The following EPHA8 variants were observed in gnomAD, a reference collection of about 807,000 sequenced individuals.
The protein encoded by EPHA8 is EPH receptor A8, also known as ephrin type-A receptor 8.
Under a neutral mutation model 103.6 loss-of-function variants are expected in EPHA8, and 58 were observed. The observed-to-expected ratio is 0.56, with a 90% CI of 0.45 to 0.70. The LOEUF is 0.70. Among genes scored for constraint, EPHA8 ranks in the 30% least tolerant of loss-of-function variants. The probability of loss-of-function intolerance (pLI) is 0.00; values close to 1 mark genes in which losing one functional copy is unlikely to be tolerated. For synonymous variants in EPHA8, 559 were observed against 572.5 expected, an observed-to-expected ratio of 0.98 and a Z score of 0.34; for missense variants, 1,304 against 1,395.2, an observed-to-expected ratio of 0.93 and a Z score of 1.04.
At chr1:22,592,740 G>A (rs1031821935) in intron 5 of EPHA8, among the ~76,000 whole-genome samples, 6 of 152,002 alleles carry the variant, frequency 3.9e-5, no homozygotes, top group Admixed American at 6.6e-5. Context: ...TGGCTGTGGC[G>A]TGGCTGTGTC....
rs1443101707 is a variant in EPHA8 at position 22,580,140 on chromosome 1, T to C, written c.823+3260T>C. ...TTCTTTCTTTCTCTTTTTTTTTTTT[T>C]TTTTTTTTTTTTTTGGAGACGGAGT... On this transcript the variant is annotated intron_variant, in intron 3 of 16. Coordinates refer to ENST00000166244, the MANE Select transcript of EPHA8 (RefSeq NM_020526.5). Among the ~76,000 whole-genome samples the C allele has an allele frequency of 3.5e-5, 5 of 141,624 alleles. No individual in the cohort carries two copies. The South Asian group carries it at 1.1e-3, about 32-fold the overall frequency. The allele number at this position is 141,624 out of a possible 152,430, so 92.9% of individuals were successfully genotyped here.
At chr1:22,565,427 G>A (rs952169777) in intron 1 of EPHA8, among the ~76,000 whole-genome samples, 3 of 152,264 alleles carry the variant, frequency 2.0e-5, no homozygotes, top group African/African-American at 7.2e-5. Context: ...AGGAAAGGGG[G>A]CAAGATTGGA....
chr1:22,580,793 AC>A (rs1459366515), intron 3 of EPHA8, among the ~76,000 whole-genome samples: 1 of 152,234 alleles, frequency 6.6e-6, no homozygotes, highest in Non-Finnish European at 1.5e-5. Context: ...AGGTAGTGTT[AC>A]CTGCTTAGGC....
At chr1:22,579,695 C>T (rs1024579662) in intron 3 of EPHA8, among the ~76,000 whole-genome samples, 1 of 152,168 alleles carries the variant, frequency 6.6e-6, no homozygotes, top group South Asian at 2.1e-4. Flanking sequence ...ACAGTGAAGC[C>T]TGGCTGTTGA....
At chr1:22,592,994 C>G (rs182614141) in intron 5 of EPHA8, among the ~76,000 whole-genome samples, 1 of 152,288 alleles carries the variant, frequency 6.6e-6, no homozygotes, top group Non-Finnish European at 1.5e-5. Context: ...ACTTCTTTCT[C>G]CTGACCTTTC....
chr1:22,593,638 G>C lies in EPHA8; in HGVS notation c.1555G>C (p.Gly519Arg). 1 of 1,607,318 alleles carries C rather than the reference G, an allele frequency of 6.2e-7. No homozygotes were observed. Among genetic ancestry groups the C allele is most frequent in the Non-Finnish European group, 8.5e-7 (1 of 1,177,358 alleles). ...VFQVRARTSA[G>R]CGRFSQAMEV... ...CCAGGTCCGAGCCCGCACCTCAGCA[G>C]GCTGTGGCCGCTTCAGCCAGGCCAT... is the stretch of plus-strand genomic sequence containing the variant. The change falls in exon 7 of 17, where the codon GGC (glycine) becomes CGC (arginine). Residue 519 changes from glycine (G) to arginine (R), a missense_variant. Gly to Arg is a moderately radical substitution (Grantham distance 125). Coordinates refer to ENST00000166244, the MANE Select transcript of EPHA8 (RefSeq NM_020526.5).
At position 22,570,764 on chromosome 1, in the gene EPHA8, A is replaced by G. The variant is rs114564726; in HGVS notation, c.159+1411A>G. On this transcript the variant is annotated intron_variant, in intron 2 of 16. Transcript: ENST00000166244. Reference sequence around the variant, plus strand: ...TCTCCAGGTCCCTGAGCCTGGAGGAAGCCCTCGTCACCTGACCCAGCACCA... The same window carrying G: ...TCTCCAGGTCCCTGAGCCTGGAGGAGGCCCTCGTCACCTGACCCAGCACCA... 1.3e-3 allele frequency among the ~76,000 whole-genome samples: 192 copies of G among 152,344 alleles called. 1 individual carries two copies. The highest frequency in any genetic ancestry group is 4.6e-3 in the African/African-American group (191 of 41,580).
chr1:22,564,332 C>G (rs948130086), intron 1 of EPHA8, among the ~76,000 whole-genome samples: 10 of 150,674 alleles, frequency 6.6e-5, no homozygotes, highest in African/African-American at 2.2e-4. Context: ...GGCCCGAGGG[C>G]CACAGTCTGG....
At chr1:22,579,121 G>T (rs1430783156) in intron 3 of EPHA8, among the ~76,000 whole-genome samples, 5 of 125,002 alleles carry the variant, frequency 4.0e-5, no homozygotes, top group Non-Finnish European at 9.2e-5. Flanking sequence ...ATGTGTACGT[G>T]TATGTGTGCA....
rs1640476944 is a variant in EPHA8, at chr1:22,569,890, C to T, written c.159+537C>T. 1.3e-5 allele frequency among the ~76,000 whole-genome samples: 2 copies of T among 152,212 alleles called. No homozygotes were observed. The highest frequency in any genetic ancestry group is 2.9e-5 in the Non-Finnish European group (2 of 68,042). ...CAGTGAGCAGGCTGCACTGCCCCGT[C>T]CCTCTGCTTCTCTTCTCTGAATCCT... is the stretch of plus-strand genomic sequence containing the variant. On this transcript the variant is annotated intron_variant, in intron 2 of 16. Coordinates refer to ENST00000166244, the MANE Select transcript of EPHA8 (RefSeq NM_020526.5). The surrounding 1 kb of genome is among the most constrained non-coding windows in gnomAD (Gnocchi z 4.5).
At chr1:22,595,614 C>CA (rs1641496249) in intron 8 of EPHA8, among the ~76,000 whole-genome samples, 1 of 152,206 alleles carries the variant, frequency 6.6e-6, no homozygotes. Context: ...CCCATACTCT[C>CA]AGTTACTTTG....
Position 22,600,821 on chromosome 1 carries a change from A to T in EPHA8, c.2538+11A>T, listed in dbSNP as rs209702. Reference sequence around the variant, plus strand: ...ATGACCAACCGGGATGTGAGTGCCAAGCCCTGGCAGGTCCGCGGGCGGTGG... The same window carrying T: ...ATGACCAACCGGGATGTGAGTGCCATGCCCTGGCAGGTCCGCGGGCGGTGG... On this transcript the variant is annotated intron_variant, in intron 14 of 16. Transcript: ENST00000166244. 7.6e-5 allele frequency: 122 copies of T among 1,599,292 alleles called. No homozygotes were observed. The Middle Eastern group carries it at 8.3e-4, about 11-fold the overall frequency.
At chr1:22,587,769 T>C (rs1438278309) in intron 4 of EPHA8, among the ~76,000 whole-genome samples, 1 of 152,078 alleles carries the variant, frequency 6.6e-6, no homozygotes, top group African/African-American at 2.4e-5. Flanking sequence ...AGCCCCAGCC[T>C]CCCTGCACAT....
Position 22,563,950 on chromosome 1 carries a change from G to C in EPHA8, c.94+221G>C, listed in dbSNP as rs1640276582. Among the ~76,000 whole-genome samples the C allele has an allele frequency of 6.6e-6, 1 of 152,046 alleles. No individual in the cohort carries two copies. The highest frequency in any genetic ancestry group is 1.5e-5 in the Non-Finnish European group (1 of 67,972). ...CTTGAGGAAGACGGACAGGTACCGGGGACTGGGGGACAGTGGGAAAGGACA... is the reference window on the plus strand; with the variant it reads ...CTTGAGGAAGACGGACAGGTACCGGCGACTGGGGGACAGTGGGAAAGGACA... On this transcript the variant is annotated intron_variant, in intron 1 of 16. Transcript: ENST00000166244. The surrounding 1 kb of genome is among the most constrained non-coding windows in gnomAD (Gnocchi z 4.4).
chr1:22,600,207 A>AG (rs200848661), intron 13 of EPHA8, among the ~76,000 whole-genome samples: 1 of 116,746 alleles, frequency 8.6e-6, no homozygotes, highest in Non-Finnish European at 1.8e-5. Context: ...GGAGGGAGGG[A>AG]GGAAGGTGGG....
intron 3 of EPHA8, among the ~76,000 whole-genome samples, chr1:22,578,789 GTA>G (rs769028886): frequency 1.3e-5 from 2 of 151,754 alleles, no homozygotes; most frequent in African/African-American, 2.4e-5. Context: ...GTGGGCATAT[GTA>G]TGTGTGCGTG....
At position 22,593,536 on chromosome 1, in the gene EPHA8, C is replaced by G. The variant is rs199567884; in HGVS notation, c.1453C>G (p.Gln485Glu). 6.2e-7 allele frequency: 1 copy of G among 1,612,222 alleles called. No individual in the cohort carries two copies. Among genetic ancestry groups the G allele is most frequent in the Non-Finnish European group, 8.5e-7 (1 of 1,179,590 alleles). The change falls in exon 7 of 17, where the codon CAG (glutamine) becomes GAG (glutamate). Residue 485 changes from glutamine (Q) to glutamate (E), a missense_variant. Transcript: ENST00000166244. Reference protein sequence around the residue: ...IKYYEKDKEMQSYSTLKAVTT... With the variant: ...IKYYEKDKEMESYSTLKAVTT... ...CGTCCCGTGGCAGGACAAGGAGATGCAGAGCTACTCCACCCTCAAGGCCGT... is the reference window on the plus strand; with the variant it reads ...CGTCCCGTGGCAGGACAAGGAGATGGAGAGCTACTCCACCCTCAAGGCCGT...
At chr1:22,578,769 ATG>A (rs575461857) in intron 3 of EPHA8, among the ~76,000 whole-genome samples, 6 of 144,240 alleles carry the variant, frequency 4.2e-5, no homozygotes, top group South Asian at 4.5e-4. Flanking sequence ...GTGTGAATGT[ATG>A]TGTACGTGTG....
rs570514206 is a variant in EPHA8 at position 22,593,318 on chromosome 1, C to T, written c.1316-8C>T. ...CCTCCGCCCATCTGACGGGATTGGC[C>T]GCCCCAGCCCCGTCCCAGGTGGTGG... is the stretch of plus-strand genomic sequence containing the variant. On this transcript the variant is annotated splice_polypyrimidine_tract_variant and splice_region_variant and intron_variant, in intron 5 of 16. Transcript: ENST00000166244. 1.3e-5 allele frequency: 20 copies of T among 1,555,660 alleles called. No homozygotes were observed. The East Asian group carries it at 1.9e-4, about 15-fold the overall frequency.
Sources: allele counts gnomAD v4.1 joint callset (sites outside exome capture counted in the v4.1 genomes callset), GRCh38; gene constraint gnomAD v4.1.1; non-coding constraint Gnocchi (gnomAD v3.1); transcripts MANE v1.5; gene names NCBI Gene and HGNC (gene_info 2026-07-23, HGNC 2026-07-21).